The following RBFOX3 variants were observed in gnomAD, a reference collection of about 807,000 sequenced individuals.
RBFOX3 encodes the protein RNA binding fox-1 homolog 3.
In RBFOX3, 17 loss-of-function variants were observed where a neutral mutation model predicts 48.7. The ratio of observed to expected loss-of-function variants is 0.35; its 90% CI spans 0.24 to 0.52. RBFOX3 has a LOEUF of 0.52. Among genes scored for constraint, RBFOX3 ranks in the 20% least tolerant of loss-of-function variants. The pLI is 0.94. For synonymous variants in RBFOX3, 212 were observed against 209.5 expected (o/e 1.01, Z -0.10); for missense variants, 382 against 497.5 (o/e 0.77, Z 2.21).
chr17:79,337,115 C>CT, intron 2 of RBFOX3, among the ~76,000 whole-genome samples: 1 of 152,040 alleles, frequency 6.6e-6, no homozygotes, highest in African/African-American at 2.4e-5. Context: ...GAGACTCCAT[C>CT]TCAAAAAATA....
At chr17:79,385,342 G>A (rs567485817) in intron 2 of RBFOX3, among the ~76,000 whole-genome samples, 1 of 152,318 alleles carries the variant, frequency 6.6e-6, no homozygotes, top group African/African-American at 2.4e-5. Flanking sequence ...GGGAAGTCAG[G>A]CAAGACCCAC....
At chr17:79,485,335 C>T (rs1598896762) in intron 1 of RBFOX3, among the ~76,000 whole-genome samples, 2 of 152,164 alleles carry the variant, frequency 1.3e-5, no homozygotes, top group African/African-American at 4.8e-5. Flanking sequence ...GCTGCCCAGC[C>T]TGGCAGCCAG....
rs1008586611 is a variant in RBFOX3 at position 79,204,519 on chromosome 17, C to A, written c.-34+31247G>T. On this transcript the variant is annotated intron_variant, in intron 4 of 14. Transcript: ENST00000693108. This position sits in a 1 kb window ranked among gnomAD's most constrained non-coding sequence, Gnocchi z 4.5. ...CAGCATTCAGTCAACGAGGTCGACG[C>A]GCTGGAACTACTTTGGTGGAGTATT... is the stretch of plus-strand genomic sequence containing the variant. Among the ~76,000 whole-genome samples the A allele has an allele frequency of 6.6e-6, 1 of 152,160 alleles. No individual in the cohort carries two copies. The highest frequency in any genetic ancestry group is 2.1e-4 in the South Asian group (1 of 4,832).
At chr17:79,650,036 T>C in the RBFOX3 span, among the ~76,000 whole-genome samples, 3 of 152,100 alleles carry the variant, frequency 2.0e-5, no homozygotes, top group East Asian at 1.9e-4. Context: ...AGGCCCCACC[T>C]CCAACATTGG....
chr17:79,265,564 A>C (rs901731409), intron 3 of RBFOX3, among the ~76,000 whole-genome samples: 4 of 152,132 alleles, frequency 2.6e-5, no homozygotes, highest in Non-Finnish European at 5.9e-5. Context: ...TTCCTTTTAG[A>C]TATGTGTAGC....
At chr17:79,221,253 C>A (rs943568897) in intron 4 of RBFOX3, among the ~76,000 whole-genome samples, 1 of 152,264 alleles carries the variant, frequency 6.6e-6, no homozygotes, top group African/African-American at 2.4e-5. Context: ...GCTCCACCAT[C>A]GGCCTGAAGG....
intron 4 of RBFOX3, among the ~76,000 whole-genome samples, chr17:79,143,936 C>G (rs1049789957): frequency 1.3e-5 from 2 of 152,234 alleles, no homozygotes; most frequent in Non-Finnish European, 2.9e-5. Context: ...CAGGCCAGGA[C>G]GGACACCCCC....
At chr17:79,121,061 C>T (rs570490685) in intron 4 of RBFOX3, among the ~76,000 whole-genome samples, 64 of 152,110 alleles carry the variant, frequency 4.2e-4, no homozygotes, top group Non-Finnish European at 7.8e-4. Context: ...TCTCCTTTAT[C>T]CTCACTCTTG....
chr17:79,177,971 T>G (rs1235784869), intron 4 of RBFOX3, among the ~76,000 whole-genome samples: 1 of 152,120 alleles, frequency 6.6e-6, no homozygotes, highest in East Asian at 1.9e-4. Context: ...CCCAGGGAAG[T>G]TGGAGGTCCG....
chr17:79,230,258 A>G (rs113173416), intron 4 of RBFOX3, among the ~76,000 whole-genome samples: 7 of 151,702 alleles, frequency 4.6e-5, no homozygotes, highest in Admixed American at 2.6e-4. Flanking sequence ...TTCTCTCCAT[A>G]TTTATTTATT....
chr17:79,438,104 GCACACA>G (rs10659732), intron 2 of RBFOX3, among the ~76,000 whole-genome samples: 5,637 of 150,774 alleles, frequency 0.037, 143 homozygotes, highest in South Asian at 0.088. Context: ...GTGCACAGGC[GCACACA>G]CACACACACA....
rs138763893 is a variant in RBFOX3 at position 79,145,771 on chromosome 17, C to T, written c.-33-30023G>A. Among the ~76,000 whole-genome samples the T allele has an allele frequency of 5.1e-3, 720 of 142,564 alleles. 10 individuals are homozygous for T. Among genetic ancestry groups the T allele is most frequent in the Admixed American group, 0.029 (412 of 14,400 alleles). The allele number at this position is 142,564 out of a possible 152,430, so 93.5% of individuals were successfully genotyped here. A position where few individuals can be genotyped will look rare whatever the true frequency, so the allele number is the denominator to read the frequency against. On this transcript the variant is annotated intron_variant, in intron 4 of 14. Transcript: ENST00000693108. ...GGACCCACTGACACGTGGATCCATGCGGCCCACACGGGGGCTCTCAGCCGG... is the reference window on the plus strand; with the variant it reads ...GGACCCACTGACACGTGGATCCATGTGGCCCACACGGGGGCTCTCAGCCGG...
chr17:79,413,746 G>A (rs766806390), intron 2 of RBFOX3, among the ~76,000 whole-genome samples: 8 of 152,212 alleles, frequency 5.3e-5, no homozygotes, highest in Non-Finnish European at 1.2e-4. Context: ...CAGGGTCCAG[G>A]AAGAGCTCGC....
intron 4 of RBFOX3, among the ~76,000 whole-genome samples, chr17:79,173,503 C>A (rs2049842680): frequency 1.3e-5 from 2 of 152,286 alleles, no homozygotes; most frequent in Middle Eastern, 3.4e-3. Flanking sequence ...CTCTAAGGGG[C>A]CCACCTGCAG....
Position 79,362,827 on chromosome 17 carries a change from C to T in RBFOX3, c.-174-55003G>A, listed in dbSNP as rs920206858. Among the ~76,000 whole-genome samples, 2 of 152,174 alleles carry T rather than the reference C, an allele frequency of 1.3e-5. No individual in the cohort carries two copies. The highest frequency in any genetic ancestry group is 4.8e-5 in the African/African-American group (2 of 41,448). On this transcript the variant is annotated intron_variant, in intron 2 of 14. Coordinates refer to ENST00000693108, the MANE Select transcript of RBFOX3 (RefSeq NM_001350451.2). The surrounding 1 kb of genome is among the most constrained non-coding windows in gnomAD (Gnocchi z 4.2). ...CTATGAGAGAGGGGTAAAGCGGGAA[C>T]ATCAGACAACCCTGAACGCCCGGCT...
intron 3 of RBFOX3, among the ~76,000 whole-genome samples, chr17:79,250,919 C>G (rs536534324): frequency 1.3e-5 from 2 of 152,056 alleles, no homozygotes; most frequent in East Asian, 1.9e-4. Context: ...AGCAATTCTC[C>G]TACCTCAGCC....
At chr17:79,149,633 T>TCCCC (rs1267412693) in intron 4 of RBFOX3, among the ~76,000 whole-genome samples, 1 of 151,812 alleles carries the variant, frequency 6.6e-6, no homozygotes, top group Non-Finnish European at 1.5e-5. Flanking sequence ...AGCTGGACCG[T>TCCCC]CCCCACACAC....
chr17:79,231,622 C>T (rs2061045048), intron 4 of RBFOX3, among the ~76,000 whole-genome samples: 2 of 151,962 alleles, frequency 1.3e-5, no homozygotes, highest in South Asian at 4.1e-4. Flanking sequence ...AATCAATGTA[C>T]AAAAAATCTA....
intron 2 of RBFOX3, among the ~76,000 whole-genome samples, chr17:79,416,432 C>G (rs2065365379): frequency 6.6e-6 from 1 of 152,218 alleles, no homozygotes; most frequent in Admixed American, 6.5e-5. Context: ...AGGATAGCAC[C>G]ACAGTCCCCA....
Sources: allele counts gnomAD v4.1 joint callset (sites outside exome capture counted in the v4.1 genomes callset), GRCh38; gene constraint gnomAD v4.1.1; non-coding constraint Gnocchi (gnomAD v3.1); transcripts MANE v1.5; gene names NCBI Gene and HGNC (gene_info 2026-07-23, HGNC 2026-07-21).